CLIP2: variants seen among roughly 807,000 people sequenced by gnomAD.
The protein encoded by CLIP2 is CAP-Gly domain containing linker protein 2.
A neutral mutation model predicts 111.7 loss-of-function variants in CLIP2; 41 were observed. That is an observed-to-expected ratio of 0.37 (90% CI 0.29 to 0.48). The LOEUF (loss-of-function observed/expected upper bound fraction) is 0.48, where lower values mean the gene tolerates loss of function less well. Among genes scored for constraint, CLIP2 ranks in the 20% least tolerant of loss-of-function variants. The pLI is 0.99. For synonymous variants in CLIP2, 660 were observed against 644.2 expected (o/e 1.02, Z -0.37); for missense variants, 1,160 against 1,422.1 (o/e 0.82, Z 2.96).
At chr7:74,364,424 G>A (rs1407518219) in intron 8 of CLIP2, 109 bp downstream of exon 8, 11 of 907,696 alleles carry the variant, frequency 1.2e-5, no homozygotes, top group African/African-American at 5.0e-5. Flanking sequence ...CCCGGGGAAG[G>A]GGCTGGGGGG....
At chr7:74,372,204 G>C (rs974791759) in intron 8 of CLIP2, among the ~76,000 whole-genome samples, 2 of 152,080 alleles carry the variant, frequency 1.3e-5, no homozygotes, top group Non-Finnish European at 2.9e-5. Flanking sequence ...GTCGAGCTGG[G>C]ACAAAAGTGC....
At chr7:74,355,539 G>GGTGGAGGATTGCATGAGCCCAGGAA (rs1790120126) in intron 4 of CLIP2, among the ~76,000 whole-genome samples, 1 of 152,162 alleles carries the variant, frequency 6.6e-6, no homozygotes, top group African/African-American at 2.4e-5. Context: ...GAGCCCAGGA[G>GGTGGAGGATTGCATGAGCCCAGGAA]GTTGAGGCTG....
Position 74,338,710 on chromosome 7 carries a change from C to T in CLIP2, c.384C>T (p.Arg128=). The T allele has an allele frequency of 6.3e-7, 1 of 1,588,688 alleles. No homozygotes were observed. Among genetic ancestry groups the T allele is most frequent in the Middle Eastern group, 1.7e-4 (1 of 5,942 alleles). The change falls in exon 3 of 17, where the codon CGC becomes CGT. Residue 128 remains arginine, a synonymous_variant. Transcript: ENST00000223398. The surrounding 1 kb of genome is among the most constrained non-coding windows in gnomAD (Gnocchi z 4.3). ...ATGATGGCGCGGTGGGCGGCGTGCG[C>T]TACTTCGAGTGCCCGGCCCTCCAGG... ...GKNDGAVGGV[R]YFECPALQGI... is the part of the protein sequence containing the mutation.
chr7:74,402,747 A>G (rs1791656472), intron 16 of CLIP2, among the ~76,000 whole-genome samples: 1 of 152,178 alleles, frequency 6.6e-6, no homozygotes, highest in Non-Finnish European at 1.5e-5. Context: ...TCCCTGGAGC[A>G]CAGATGCTCG....
chr7:74,310,036 CAAAAAAAAAAAAAAAAAAAAAAAA>C (rs71094774), intron 1 of CLIP2, among the ~76,000 whole-genome samples: 17 of 92,482 alleles, frequency 1.8e-4, no homozygotes, highest in East Asian at 6.3e-4. Context: ...CCTGTCTCTA[CAAAAAAAAAAAAAAAAAAAAAAAA>C]AAAAAAAAAA....
intron 1 of CLIP2, among the ~76,000 whole-genome samples, chr7:74,315,408 T>G (rs995193282): frequency 8.6e-5 from 13 of 152,016 alleles, no homozygotes. Context: ...TTTAAAAATA[T>G]TTTGTTTTTA....
intron 1 of CLIP2, among the ~76,000 whole-genome samples, chr7:74,300,454 AT>A (rs1276744459): frequency 8.0e-6 from 1 of 125,394 alleles, no homozygotes; most frequent in Non-Finnish European, 1.6e-5. Context: ...ACATGATTTC[AT>A]TCTTTTTTTT....
At chr7:74,364,628 G>T (rs1420770272) in intron 8 of CLIP2, among the ~76,000 whole-genome samples, 5 of 152,176 alleles carry the variant, frequency 3.3e-5, no homozygotes, top group Non-Finnish European at 5.9e-5. Flanking sequence ...TTAGGCAATA[G>T]CCCTAAAGGT....
chr7:74,316,061 T>A (rs1788762868), intron 1 of CLIP2, among the ~76,000 whole-genome samples: 1 of 109,196 alleles, frequency 9.2e-6, no homozygotes, highest in Non-Finnish European at 1.8e-5. Context: ...CAGGCCCCAT[T>A]GTGTTGTTCC....
chr7:74,307,893 T>C (rs1469444407), intron 1 of CLIP2, among the ~76,000 whole-genome samples: 2 of 152,118 alleles, frequency 1.3e-5, no homozygotes, highest in Non-Finnish European at 2.9e-5. Flanking sequence ...GGGATTTGTG[T>C]CCTCTGGGCG....
chr7:74,300,957 T>C (rs1788319728), intron 1 of CLIP2, among the ~76,000 whole-genome samples: 1 of 152,200 alleles, frequency 6.6e-6, no homozygotes, highest in Non-Finnish European at 1.5e-5. Flanking sequence ...ATTAGTAGGA[T>C]TGCTGGATGG....
At chr7:74,324,653 C>T (rs1789063079) in intron 2 of CLIP2, among the ~76,000 whole-genome samples, 1 of 152,150 alleles carries the variant, frequency 6.6e-6, no homozygotes, top group East Asian at 1.9e-4. Context: ...GGTGTCCTCT[C>T]CCTTCACTGC....
intron 11 of CLIP2, among the ~76,000 whole-genome samples, chr7:74,382,411 TCTC>T (rs1232234761): frequency 6.6e-6 from 1 of 150,764 alleles, no homozygotes; most frequent in Non-Finnish European, 1.5e-5. Context: ...TTCAAGCAAT[TCTC>T]CTGCCTCAGC....
intron 7 of CLIP2, among the ~76,000 whole-genome samples, chr7:74,362,666 C>T (rs1032839760): frequency 1.3e-5 from 2 of 151,698 alleles, no homozygotes; most frequent in Non-Finnish European, 2.9e-5. Flanking sequence ...TCCCAAGTAG[C>T]TGGGACTACA....
At chr7:74,359,503 A>ACCTG (rs1790257559) in intron 6 of CLIP2, among the ~76,000 whole-genome samples, 1 of 149,512 alleles carries the variant, frequency 6.7e-6, no homozygotes, top group Admixed American at 6.7e-5. Context: ...ACAGGAGCCC[A>ACCTG]CCACCACGCC....
intron 12 of CLIP2, among the ~76,000 whole-genome samples, chr7:74,388,281 G>A (rs906930724): frequency 1.3e-4 from 19 of 151,832 alleles, no homozygotes; most frequent in African/African-American, 3.6e-4. Context: ...GCAATAAGTC[G>A]AGATTGTGCC....
At chr7:74,308,484 A>T (rs1341521480) in intron 1 of CLIP2, among the ~76,000 whole-genome samples, 3 of 152,066 alleles carry the variant, frequency 2.0e-5, no homozygotes, top group Non-Finnish European at 4.4e-5. Flanking sequence ...TCATTCATTC[A>T]TAATCTAGTT....
chr7:74,367,673 C>T (rs116166001), intron 8 of CLIP2, among the ~76,000 whole-genome samples: 1,573 of 152,268 alleles, frequency 0.01, 26 homozygotes, highest in African/African-American at 0.036. Context: ...TAAGAAGTCA[C>T]TATTCAACCC....
chr7:74,389,395 A>G (rs1453526606), intron 13 of CLIP2, 136 bp downstream of exon 13: 1 of 817,174 alleles, frequency 1.2e-6, no homozygotes, highest in Admixed American at 3.0e-5. Flanking sequence ...TCGAGCGATC[A>G]CCCTGCTCTC....
Sources: allele counts gnomAD v4.1 joint callset (sites outside exome capture counted in the v4.1 genomes callset), GRCh38; gene constraint gnomAD v4.1.1; non-coding constraint Gnocchi (gnomAD v3.1); transcripts MANE v1.5; gene names NCBI Gene and HGNC (gene_info 2026-07-23, HGNC 2026-07-21).